ADAMTS17: variants seen among roughly 807,000 people sequenced by gnomAD.
The protein encoded by ADAMTS17 is ADAM metallopeptidase with thrombospondin type 1 motif 17.
Under a neutral mutation model 141.5 loss-of-function variants are expected in ADAMTS17, and 113 were observed. The ratio of observed to expected loss-of-function variants is 0.80; its 90% CI spans 0.69 to 0.93. The LOEUF (loss-of-function observed/expected upper bound fraction) is 0.93, where lower values mean the gene tolerates loss of function less well. Among genes scored for constraint, ADAMTS17 ranks in the 40% least tolerant of loss-of-function variants. The probability of loss-of-function intolerance (pLI) is 0.00; values close to 1 mark genes in which losing one functional copy is unlikely to be tolerated. For missense variants in ADAMTS17, 1,659 were observed against 1,517.9 expected, an observed-to-expected ratio of 1.09 and a Z score of -1.54; for synonymous variants, 768 against 630.6, an observed-to-expected ratio of 1.22 and a Z score of -3.27.
At chr15:100,209,113 C>CACAAAA (rs2041695448) in intron 7 of ADAMTS17, among the ~76,000 whole-genome samples, 2 of 96,962 alleles carry the variant, frequency 2.1e-5, no homozygotes, top group Non-Finnish European at 3.8e-5. Flanking sequence ...GCCAAGTTAG[C>CACAAAA]AAAAAAAAAA....
At chr15:100,039,997 A>G (rs2031102330) in intron 18 of ADAMTS17, among the ~76,000 whole-genome samples, 2 of 152,092 alleles carry the variant, frequency 1.3e-5, no homozygotes, top group African/African-American at 4.8e-5. Context: ...TTTGTCTGGT[A>G]TTAGTATAGC....
chr15:100,260,433 G>A (rs1007018697), intron 6 of ADAMTS17, among the ~76,000 whole-genome samples: 7 of 151,904 alleles, frequency 4.6e-5, no homozygotes, highest in Admixed American at 4.6e-4. Context: ...GGCCAATGTG[G>A]TGAAACCCCA....
intron 13 of ADAMTS17, among the ~76,000 whole-genome samples, chr15:100,113,131 C>A (rs72770214): frequency 1.3e-5 from 2 of 152,128 alleles, no homozygotes; most frequent in African/African-American, 4.8e-5. Flanking sequence ...CAGGCCTCTG[C>A]GGATTTTACC....
At chr15:100,185,815 G>A (rs2040694582) in intron 8 of ADAMTS17, among the ~76,000 whole-genome samples, 1 of 152,144 alleles carries the variant, frequency 6.6e-6, no homozygotes, top group Admixed American at 6.5e-5. Context: ...ACGTGCTTCT[G>A]GCTCCTGAAG....
At chr15:99,994,901 A>C (rs946583313) in intron 19 of ADAMTS17, among the ~76,000 whole-genome samples, 2 of 152,244 alleles carry the variant, frequency 1.3e-5, no homozygotes, top group Admixed American at 1.3e-4. Flanking sequence ...CTTTGTCTAA[A>C]GATCCCATGG....
At chr15:100,106,282 G>A (rs58280057) in intron 14 of ADAMTS17, among the ~76,000 whole-genome samples, 512 of 152,298 alleles carry the variant, frequency 3.4e-3, no homozygotes, top group African/African-American at 0.012. Flanking sequence ...CCTCCAGAAC[G>A]TTGAGAAATA....
At chr15:100,017,641 G>T (rs1049751358) in intron 18 of ADAMTS17, among the ~76,000 whole-genome samples, 2 of 152,240 alleles carry the variant, frequency 1.3e-5, no homozygotes, top group African/African-American at 2.4e-5. Flanking sequence ...ATTTTCTCCA[G>T]TGGGGGTGTA....
intron 3 of ADAMTS17, among the ~76,000 whole-genome samples, chr15:100,293,739 G>A (rs1237301454): frequency 6.6e-6 from 1 of 152,122 alleles, no homozygotes; most frequent in Non-Finnish European, 1.5e-5. Context: ...ACTAGACTAC[G>A]GGGACCCAAA....
chr15:99,976,287 C>A (rs1228136593), intron 20 of ADAMTS17, 65 bp from the exon 21 acceptor site: 2 of 1,521,006 alleles, frequency 1.3e-6, no homozygotes, highest in Middle Eastern at 2.0e-4. Context: ...GATGGCCTCA[C>A]AATGTGGCAC....
At position 99,991,980 on chromosome 15, in the gene ADAMTS17, T is replaced by A. The variant is rs28545360; in HGVS notation, c.2949+1068A>T. 9.8e-3 allele frequency among the ~76,000 whole-genome samples: 1,491 copies of A among 151,654 alleles called. 29 individuals carry two copies. The highest frequency in any genetic ancestry group is 0.034 in the African/African-American group (1,404 of 41,304). ...AAGTGGGAGGTGAGCAATGAGAACA[T>A]ATGGACACAGGGAGGGGAACATCAC... On this transcript the variant is annotated intron_variant, in intron 20 of 21. Coordinates refer to ENST00000268070, the MANE Select transcript of ADAMTS17 (RefSeq NM_139057.4).
intron 15 of ADAMTS17, among the ~76,000 whole-genome samples, chr15:100,086,924 T>C (rs1173600091): frequency 6.6e-6 from 1 of 151,930 alleles, no homozygotes; most frequent in Non-Finnish European, 1.5e-5. Flanking sequence ...ACATCACAAT[T>C]GAAAGAACCA....
intron 7 of ADAMTS17, among the ~76,000 whole-genome samples, chr15:100,251,640 G>GCAGAACCCGGGAGC (rs1314289408): frequency 6.6e-6 from 1 of 152,162 alleles, no homozygotes; most frequent in Admixed American, 6.5e-5. Context: ...CAGGAGAATG[G>GCAGAACCCGGGAGC]CAGAACCCGG....
chr15:100,340,631 A>G (rs79824525), intron 2 of ADAMTS17, among the ~76,000 whole-genome samples: 2,253 of 152,188 alleles, frequency 0.015, 65 homozygotes, highest in African/African-American at 0.049. Context: ...CATAACACCT[A>G]CACGTACACA....
intron 18 of ADAMTS17, among the ~76,000 whole-genome samples, chr15:100,004,804 A>G (rs866179005): frequency 1.3e-5 from 2 of 152,164 alleles, no homozygotes; most frequent in Non-Finnish European, 2.9e-5. Flanking sequence ...TATTTTTAGT[A>G]GAGATGGGGT....
chr15:99,998,906 C>T (rs561519525), intron 18 of ADAMTS17, among the ~76,000 whole-genome samples: 70 of 152,366 alleles, frequency 4.6e-4, no homozygotes, highest in African/African-American at 1.6e-3. Context: ...CCAGGTCTGA[C>T]AGCCACTCAG....
At chr15:100,223,467 A>G (rs4401032) in intron 7 of ADAMTS17, among the ~76,000 whole-genome samples, 24,819 of 151,874 alleles carry the variant, frequency 0.16, 2,281 homozygotes, top group Non-Finnish European at 0.21. Flanking sequence ...CTCTCTCTCT[A>G]TACTGGCCCT....
intron 18 of ADAMTS17, among the ~76,000 whole-genome samples, chr15:100,011,046 C>T (rs942326135): frequency 3.3e-5 from 5 of 151,842 alleles, no homozygotes; most frequent in African/African-American, 4.8e-5. Context: ...GGCCCCGCGA[C>T]GCAGACAACG....
Position 100,099,467 on chromosome 15 carries a change from G to T in ADAMTS17, c.2017-2991C>A, listed in dbSNP as rs948931739. On this transcript the variant is annotated intron_variant, in intron 14 of 21. Coordinates refer to ENST00000268070, the MANE Select transcript of ADAMTS17 (RefSeq NM_139057.4). ...GAATATTAGGGGAGCTTTGATGATT[G>T]TATTTATGAGGCTTGGTGTTCCAAG... Among the ~76,000 whole-genome samples the T allele has an allele frequency of 3.0e-4, 46 of 152,182 alleles. 1 individual carries two copies. Among genetic ancestry groups the T allele is most frequent in the African/African-American group, 1.1e-3 (46 of 41,438 alleles).
chr15:100,270,608 C>T lies in ADAMTS17; in HGVS notation c.790-8173G>A, dbSNP rs1434542736. 2.6e-5 allele frequency among the ~76,000 whole-genome samples: 4 copies of T among 151,460 alleles called. No individual in the cohort carries two copies. In the East Asian group the frequency reaches 7.9e-4, roughly 30 times the overall value. ...CATTCATTTATGCATTCACTGACTA[C>T]ACAAATATTTCTGGATCATCTCCTG... On this transcript the variant is annotated intron_variant, in intron 4 of 21. Transcript: ENST00000268070.
Sources: gnomAD v4.1 joint callset for allele counts (sites outside exome capture counted in the v4.1 genomes callset) on GRCh38, gnomAD v4.1.1 for gene constraint, MANE v1.5 for transcripts, NCBI Gene and HGNC (gene_info 2026-07-23, HGNC 2026-07-21) for gene names.